Variants in TPM1 observed in about 807,000 individuals in gnomAD.
TPM1 encodes the protein tropomyosin 1.
In TPM1, 24 loss-of-function variants were observed where a neutral mutation model predicts 42.9. That is an observed-to-expected ratio of 0.56 (90% CI 0.41 to 0.79). The LOEUF (loss-of-function observed/expected upper bound fraction) is 0.79, where lower values mean the gene tolerates loss of function less well. Ranked by LOEUF, TPM1 falls within the 30% of genes least tolerant of loss-of-function variation. The pLI, the probability that TPM1 is intolerant of heterozygous loss-of-function variation, is 0.00. For missense variants in TPM1, 158 were observed against 351.8 expected, an observed-to-expected ratio of 0.45 and a Z score of 4.41; for synonymous variants, 136 against 130.1, an observed-to-expected ratio of 1.05 and a Z score of -0.31.
chr15:63,057,435 C>G (rs2034982285), intron 3 of TPM1, among the ~76,000 whole-genome samples: 1 of 152,226 alleles, frequency 6.6e-6, no homozygotes, highest in South Asian at 2.1e-4. Context: ...TTGGCCCTTT[C>G]ACTCCTACTG....
chr15:63,064,575 G>GC, intron 9 of TPM1: 1 of 1,045,984 alleles, frequency 9.6e-7, no homozygotes, highest in South Asian at 3.2e-5. Context: ...AACCCTTAAA[G>GC]TGTCAGGTTA....
At position 63,061,274 on chromosome 15, in the gene TPM1, G is replaced by A. The variant is rs1238095357; in HGVS notation, c.563+335G>A. The stretch of plus-strand genomic sequence containing the variant: ...AGCATTAATGGCTGCAGAGGATAAG[G>A]TACTGATGGCTCGTGTGGTTTTTAG... On this transcript the variant is annotated intron_variant, in intron 5 of 9. Transcript: ENST00000403994. 3 of 1,614,030 alleles carry A rather than the reference G, an allele frequency of 1.9e-6. No individual in the cohort carries two copies. Among genetic ancestry groups the A allele is most frequent in the Admixed American group, 1.7e-5 (1 of 60,008 alleles).
chr15:63,048,678 C>G (rs1194881391), intron 2 of TPM1: 2 of 1,539,164 alleles, frequency 1.3e-6, no homozygotes, highest in African/African-American at 2.8e-5. Context: ...GCAGCGCGAG[C>G]TGGACCACGA....
At chr15:63,058,872 C>T (rs1421995133) in intron 3 of TPM1, among the ~76,000 whole-genome samples, 2 of 152,286 alleles carry the variant, frequency 1.3e-5, no homozygotes, top group East Asian at 3.9e-4. Flanking sequence ...CCCTAATATA[C>T]ACCATGCCAT....
intron 2 of TPM1, chr15:63,048,817 GC>G: frequency 7.0e-7 from 1 of 1,431,638 alleles, no homozygotes; most frequent in South Asian, 1.2e-5. Context: ...TCGTCCCCAC[GC>G]CTCCAGGGCG....
chr15:63,051,119 T>C (rs3803499), intron 2 of TPM1, among the ~76,000 whole-genome samples: 46,177 of 152,084 alleles, frequency 0.3, 7,897 homozygotes, highest in African/African-American at 0.48. Context: ...TTGCTTTTTT[T>C]CATTATTTAA....
At chr15:63,064,227 A>G in intron 9 of TPM1, 85 bp downstream of exon 9, 1 of 1,560,406 alleles carries the variant, frequency 6.4e-7, no homozygotes. Context: ...TTGCTCCCTA[A>G]TCTCCATCTT....
rs773403386 is a variant in TPM1, at chr15:63,062,220, G to T, written c.645G>T (p.Ser215=). 12 of 1,613,856 alleles carry T rather than the reference G, an allele frequency of 7.4e-6. No individual in the cohort carries two copies. Among genetic ancestry groups the T allele is most frequent in the Middle Eastern group, 1.6e-4 (1 of 6,084 alleles). The change falls in exon 7 of 10, where the codon TCG becomes TCT. Residue 215 remains serine (S), a synonymous_variant. Transcript: ENST00000403994. ...AATGCTCTTTCTAATTACAGTACTC[G>T]CAGAAGGAAGACAGATATGAGGAAG... ...KSLEAQAEKY[S]QKEDRYEEEI...
At chr15:63,065,247 C>G in intron 9 of TPM1, 1 of 987,270 alleles carries the variant, frequency 1.0e-6, no homozygotes, top group Non-Finnish European at 1.2e-6. Flanking sequence ...CAAACTTAAA[C>G]ATTAAACTTT....
chr15:63,065,777 A>G, intron 9 of TPM1, 119 bp from the exon 10 acceptor site: 3 of 1,400,490 alleles, frequency 2.1e-6, no homozygotes, highest in Non-Finnish European at 2.9e-6. Context: ...TGGGGTTTGC[A>G]TGACTGCTTC....
Position 63,064,333 on chromosome 15 carries a change from A to C in TPM1, c.851+191A>C, listed in dbSNP as rs564233725. 8.0e-5 allele frequency: 117 copies of C among 1,463,686 alleles called. No homozygotes were observed. The African/African-American group carries it at 1.4e-3, about 18-fold the overall frequency. The allele number at this position is 1,463,686 out of a possible 1,614,324, so 90.7% of individuals were successfully genotyped here. On this transcript the variant is annotated intron_variant, in intron 9 of 9. Transcript: ENST00000403994. ...AAGGCCAATTAGATTAAGTCTGTCT[A>C]TACAAACCATTTTCTTTTCAGAATC... is the stretch of plus-strand genomic sequence containing the variant.
chr15:63,047,902 G>A (rs2140698836), intron 2 of TPM1: 1 of 226,050 alleles, frequency 4.4e-6, no homozygotes, highest in African/African-American at 2.4e-5. Flanking sequence ...AGGAAACTAG[G>A]AGCCAGAGTC....
chr15:63,061,134 T>G, intron 5 of TPM1, 195 bp downstream of exon 5: 2 of 1,548,184 alleles, frequency 1.3e-6, no homozygotes, highest in South Asian at 2.2e-5. Flanking sequence ...CGTGTATCAC[T>G]GCATGCCTTA....
intron 4 of TPM1, 117 bp from the exon 5 acceptor site, chr15:63,060,750 CAT>C (rs2035499445): frequency 1.8e-6 from 2 of 1,082,580 alleles, no homozygotes; most frequent in Admixed American, 3.5e-5. Context: ...GAAAGAGGAT[CAT>C]ATTGTTTGTA....
At chr15:63,071,053 C>G (rs759607607), downstream of TPM1, 12 of 1,613,222 alleles carry the variant, frequency 7.4e-6, no homozygotes, top group South Asian at 1.2e-4. Flanking sequence ...GTCCAAAGCA[C>G]AGCTATTCAT....
chr15:63,065,235 A>G, intron 9 of TPM1: 1 of 987,346 alleles, frequency 1.0e-6, no homozygotes, highest in African/African-American at 1.7e-5. Flanking sequence ...CATATTACTA[A>G]CCAAACTTAA....
chr15:63,065,618 T>C, intron 9 of TPM1: 1 of 985,228 alleles, frequency 1.0e-6, no homozygotes, highest in Non-Finnish European at 1.2e-6. Context: ...CAAGTATGAT[T>C]AAATATTCTG....
At chr15:63,065,835 T>C (rs753252831) in intron 9 of TPM1, 61 bp from the exon 10 acceptor site, 52 of 1,127,628 alleles carry the variant, frequency 4.6e-5, no homozygotes, top group South Asian at 1.6e-4. Context: ...TTTCCTTTCT[T>C]TTTTTTTTTT....
intron 2 of TPM1, chr15:63,048,421 C>T (rs765280995): frequency 1.5e-6 from 2 of 1,349,950 alleles, no homozygotes; most frequent in South Asian, 1.8e-5. Context: ...GACTTCCGGA[C>T]TGCTCCTGGC....
Sources: gnomAD v4.1 joint callset for allele counts (sites outside exome capture counted in the v4.1 genomes callset) on GRCh38, gnomAD v4.1.1 for gene constraint, MANE v1.5 for transcripts, NCBI Gene and HGNC (gene_info 2026-07-23, HGNC 2026-07-21) for gene names.